SLC35F1: variants seen among roughly 807,000 people sequenced by gnomAD.
The protein encoded by SLC35F1 is solute carrier family 35 member F1.
SLC35F1 carries 14 observed loss-of-function variants against 48.7 expected under a neutral mutation model. That is an observed-to-expected ratio of 0.29 (90% CI 0.19 to 0.45). The LOEUF (loss-of-function observed/expected upper bound fraction) is 0.45, where lower values mean the gene tolerates loss of function less well. Among genes scored for constraint, SLC35F1 ranks in the 20% least tolerant of loss-of-function variants. The probability of loss-of-function intolerance (pLI) is 1.00; values close to 1 mark genes in which losing one functional copy is unlikely to be tolerated. For synonymous variants in SLC35F1, 190 were observed against 202.2 expected (o/e 0.94, Z 0.51); for missense variants, 404 against 500.0 (o/e 0.81, Z 1.83).
At chr6:118,129,653 G>A (rs1773681377) in intron 1 of SLC35F1, among the ~76,000 whole-genome samples, 2 of 152,106 alleles carry the variant, frequency 1.3e-5, no homozygotes, top group South Asian at 2.1e-4. Flanking sequence ...GAATCAACAG[G>A]ACTTGCTGCA....
intron 2 of SLC35F1, among the ~76,000 whole-genome samples, chr6:118,206,456 G>A (rs1774937076): frequency 6.6e-6 from 1 of 152,198 alleles, no homozygotes; most frequent in Non-Finnish European, 1.5e-5. Flanking sequence ...CTGTGGGTTA[G>A]TGCAGAGCAC....
chr6:118,094,926 C>T (rs1382312000), intron 1 of SLC35F1, among the ~76,000 whole-genome samples: 1 of 151,534 alleles, frequency 6.6e-6, no homozygotes, highest in African/African-American at 2.4e-5. Context: ...CGAGATCGTG[C>T]CACTGCAGTC....
chr6:118,048,703 G>C (rs1411256499), intron 1 of SLC35F1, among the ~76,000 whole-genome samples: 1 of 152,114 alleles, frequency 6.6e-6, no homozygotes, highest in Admixed American at 6.6e-5. Flanking sequence ...ACTGCTCAAA[G>C]AAATAAAAGA....
chr6:117,936,760 C>A (rs1020002086), intron 1 of SLC35F1, among the ~76,000 whole-genome samples: 2 of 151,834 alleles, frequency 1.3e-5, no homozygotes, highest in Non-Finnish European at 2.9e-5. Context: ...TAAAAAAAAA[C>A]TTTGTATTTT....
At chr6:118,235,000 A>G (rs759061024) in intron 2 of SLC35F1, among the ~76,000 whole-genome samples, 3 of 152,296 alleles carry the variant, frequency 2.0e-5, no homozygotes, top group Non-Finnish European at 2.9e-5. Context: ...CCCATCACCC[A>G]CAAACCACTA....
In SLC35F1 at chr6:118,316,839, G is replaced by A. The variant is rs552993775; in HGVS notation, c.*2587G>A. On this transcript the variant is annotated 3_prime_UTR_variant, in exon 8 of 8. Transcript: ENST00000360388. ...TCATGTCCCTGGGTGACCTCAATGTGTTGGTTTGTCTCCATTTAGAAAGGT... is the reference window on the plus strand; with the variant it reads ...TCATGTCCCTGGGTGACCTCAATGTATTGGTTTGTCTCCATTTAGAAAGGT... 5 of 152,194 alleles carry A rather than the reference G, an allele frequency of 3.3e-5. No individual in the cohort carries two copies. In the South Asian group the frequency reaches 1.0e-3, roughly 32 times the overall value. 9.4% of individuals were successfully genotyped at this position (152,194 alleles called of 1,614,324 possible).
At chr6:118,118,001 T>C (rs1306726387) in intron 1 of SLC35F1, among the ~76,000 whole-genome samples, 1 of 152,206 alleles carries the variant, frequency 6.6e-6, no homozygotes, top group Non-Finnish European at 1.5e-5. Context: ...ATTCAATTCC[T>C]TGCAGTTTTT....
intron 1 of SLC35F1, among the ~76,000 whole-genome samples, chr6:117,946,229 G>A (rs572121958): frequency 6.6e-6 from 1 of 152,114 alleles, no homozygotes; most frequent in Non-Finnish European, 1.5e-5. Context: ...TAGTCTAAAT[G>A]GGTTTGCACC....
chr6:117,999,407 G>A, intron 1 of SLC35F1: 1 of 1,586,374 alleles, frequency 6.3e-7, no homozygotes. Flanking sequence ...TCCAGCTCAG[G>A]CTCCCAAAGG....
chr6:118,193,357 C>T (rs949130132), intron 2 of SLC35F1, among the ~76,000 whole-genome samples: 1 of 152,102 alleles, frequency 6.6e-6, no homozygotes, highest in African/African-American at 2.4e-5. Context: ...GCTCTTATTC[C>T]AATGTTCAAT....
chr6:118,070,157 A>AG (rs1247610684), intron 1 of SLC35F1, among the ~76,000 whole-genome samples: 5 of 151,382 alleles, frequency 3.3e-5, no homozygotes, highest in African/African-American at 4.8e-5. Flanking sequence ...AAAAAAAAAA[A>AG]AAAAAAGAAT....
chr6:118,221,480 C>G (rs1409290664), intron 2 of SLC35F1, among the ~76,000 whole-genome samples: 1 of 152,146 alleles, frequency 6.6e-6, no homozygotes, highest in Non-Finnish European at 1.5e-5. Context: ...CTTCTGCATT[C>G]TCTGGCTCCT....
intron 1 of SLC35F1, among the ~76,000 whole-genome samples, chr6:118,037,726 G>A (rs935489210): frequency 6.6e-5 from 10 of 152,102 alleles, no homozygotes; most frequent in African/African-American, 2.4e-4. Context: ...GCAGGGACAT[G>A]GATGAAGCTG....
intron 1 of SLC35F1, among the ~76,000 whole-genome samples, chr6:118,110,796 CAG>C (rs557457891): frequency 1.7e-3 from 252 of 152,172 alleles, no homozygotes; most frequent in African/African-American, 5.9e-3. Context: ...TAAGGTGTAA[CAG>C]GGAGAAAGCA....
intron 1 of SLC35F1, among the ~76,000 whole-genome samples, chr6:118,047,364 C>T (rs1025813916): frequency 6.6e-6 from 1 of 152,068 alleles, no homozygotes; most frequent in African/African-American, 2.4e-5. Flanking sequence ...AATTTGGTGC[C>T]CTCAGTATAG....
At chr6:118,276,056 A>G (rs1232488394) in intron 5 of SLC35F1, among the ~76,000 whole-genome samples, 1 of 152,198 alleles carries the variant, frequency 6.6e-6, no homozygotes, top group Non-Finnish European at 1.5e-5. Flanking sequence ...CTGCCCGTGG[A>G]TTTGCAAGAG....
chr6:118,218,919 C>T (rs1328316558), intron 2 of SLC35F1, among the ~76,000 whole-genome samples: 1 of 152,150 alleles, frequency 6.6e-6, no homozygotes, highest in Non-Finnish European at 1.5e-5. Flanking sequence ...TCTGTGGGTA[C>T]ATATCCAAGA....
At chr6:118,246,387 A>G (rs1311250574) in intron 3 of SLC35F1, among the ~76,000 whole-genome samples, 2 of 152,186 alleles carry the variant, frequency 1.3e-5, no homozygotes, top group East Asian at 1.9e-4. Flanking sequence ...CCAAACTTTT[A>G]TGCCTATTTT....
intron 4 of SLC35F1, among the ~76,000 whole-genome samples, chr6:118,268,783 T>G (rs2114623007): frequency 6.6e-6 from 1 of 151,900 alleles, no homozygotes; most frequent in South Asian, 2.1e-4. Flanking sequence ...CTAATTTTTG[T>G]ATTTTTAGTA....
Sources: allele counts gnomAD v4.1 joint callset (sites outside exome capture counted in the v4.1 genomes callset), GRCh38; gene constraint gnomAD v4.1.1; transcripts MANE v1.5; gene names NCBI Gene and HGNC (gene_info 2026-07-23, HGNC 2026-07-21).